The following MSX1 variants were observed in gnomAD, a reference collection of about 807,000 sequenced individuals.
MSX1 encodes msh homeobox 1.
Under a neutral mutation model 17.0 loss-of-function variants are expected in MSX1, and 11 were observed. The ratio of observed to expected loss-of-function variants is 0.65; its 90% CI spans 0.41 to 1.07. The LOEUF is 1.07. Among genes scored for constraint, MSX1 ranks in the 50% least tolerant of loss-of-function variants. The pLI, the probability that MSX1 is intolerant of heterozygous loss-of-function variation, is 0.00. For missense variants in MSX1, 477 were observed against 440.1 expected, an observed-to-expected ratio of 1.08 and a Z score of -0.75; for synonymous variants, 253 against 211.8, an observed-to-expected ratio of 1.19 and a Z score of -1.69.
rs1737956656 is a variant in MSX1, at chr4:4,862,992, C to G, written c.761C>G (p.Ser254Cys). The part of the protein sequence containing the change: ...PMLPPAAFGL[S>C]FPLGGPAAVA... ...CTGCCACCGGCTGCCTTCGGCCTCT[C>G]CTTCCCTCTCGGCGGCCCCGCAGCT... The change falls in exon 2 of 2, where the codon TCC (serine) becomes TGC (cysteine). Residue 254 changes from serine to cysteine, a missense_variant. Physicochemically the swap from Ser to Cys is moderately radical, Grantham distance 112. Coordinates refer to ENST00000382723, the MANE Select transcript of MSX1 (RefSeq NM_002448.3). The G allele has an allele frequency of 6.2e-7, 1 of 1,612,780 alleles. No individual in the cohort carries two copies.
intron 1 of MSX1, 54 bp from the exon 2 acceptor site, chr4:4,862,647 A>G (rs1391306241): frequency 2.5e-6 from 4 of 1,591,926 alleles, no homozygotes; most frequent in Non-Finnish European, 3.4e-6. Context: ...TGGGCTGATC[A>G]TGCTCCAATG....
chr4:4,861,069 C>A (rs1004316504), intron 1 of MSX1, among the ~76,000 whole-genome samples: 1 of 152,288 alleles, frequency 6.6e-6, no homozygotes, highest in Non-Finnish European at 1.5e-5. Flanking sequence ...GGCCCCCTGG[C>A]TGCTCTACTC....
At position 4,859,890 on chromosome 4, in the gene MSX1, C is replaced by G; in HGVS notation, c.-10C>G. 1 of 1,482,288 alleles carries G rather than the reference C, an allele frequency of 6.7e-7. No individual in the cohort carries two copies. The highest frequency in any genetic ancestry group is 9.0e-7 in the Non-Finnish European group (1 of 1,115,790). 91.8% of individuals were successfully genotyped at this position (1,482,288 alleles called of 1,614,324 possible). ...CCAGTGCTGCGGCAGAAGGGGGGGCCCGGCTCTGCATGGCCCCGGCTGCTG... is the reference window on the plus strand; with the variant it reads ...CCAGTGCTGCGGCAGAAGGGGGGGCGCGGCTCTGCATGGCCCCGGCTGCTG... On this transcript the variant is annotated 5_prime_UTR_variant, in exon 1 of 2. Coordinates refer to ENST00000382723, the MANE Select transcript of MSX1 (RefSeq NM_002448.3).
At chr4:4,860,435 G>T in intron 1 of MSX1, 67 bp downstream of exon 1, 1 of 1,534,354 alleles carries the variant, frequency 6.5e-7, no homozygotes, top group South Asian at 1.2e-5. Flanking sequence ...TGTGGGACCC[G>T]AGGGCTCCTG....
At position 4,859,694 on chromosome 4, in the gene MSX1, A is replaced by T. The variant is rs575417156; in HGVS notation, c.-206A>T. 83 of 206,498 alleles carry T rather than the reference A, an allele frequency of 4.0e-4. 1 individual carries two copies. Among genetic ancestry groups the T allele is most frequent in the African/African-American group, 1.8e-3 (79 of 42,728 alleles). 12.8% of individuals were successfully genotyped at this position (206,498 alleles called of 1,614,324 possible). Reference sequence around the variant, plus strand: ...CCCGGAGCCGGCGAGTGCTCCCGGGAACTCTGCCTGCGCGGCGGCAGCGAC... The same window carrying T: ...CCCGGAGCCGGCGAGTGCTCCCGGGTACTCTGCCTGCGCGGCGGCAGCGAC... On this transcript the variant is annotated 5_prime_UTR_variant, in exon 1 of 2. Transcript: ENST00000382723.
chr4:4,860,700 C>A (rs1490015721), intron 1 of MSX1, among the ~76,000 whole-genome samples: 3 of 152,226 alleles, frequency 2.0e-5, no homozygotes, highest in Admixed American at 2.0e-4. Context: ...CGGCTTCACC[C>A]CAGCGGATGA....
rs567549350 is a variant in MSX1 at position 4,859,976 on chromosome 4, G to A, written c.77G>A (p.Gly26Glu). 6 of 1,488,572 alleles carry A rather than the reference G, an allele frequency of 4.0e-6. No homozygotes were observed. The highest frequency in any genetic ancestry group is 1.3e-5 in the South Asian group (1 of 76,104). 92.2% of individuals were successfully genotyped at this position (1,488,572 alleles called of 1,614,324 possible). ...GACTCCGCCTTCGGCAAGCCGGCGG[G>A]GGGAGGCGCGGGCCAGGCCCCCAGC... is the stretch of plus-strand genomic sequence containing the variant. Reference protein sequence around the residue: ...VEDSAFGKPAGGGAGQAPSAA... With the variant: ...VEDSAFGKPAEGGAGQAPSAA... The change falls in exon 1 of 2, where the codon GGG becomes GAG. Residue 26 changes from glycine to glutamate, a missense_variant. Gly to Glu is a moderately conservative substitution (Grantham distance 98). Coordinates refer to ENST00000382723, the MANE Select transcript of MSX1 (RefSeq NM_002448.3).
Position 4,859,922 on chromosome 4 carries a change from C to T in MSX1, c.23C>T (p.Thr8Ile). MAPAADM[T>I]SLPLGVKVED... ...TGCATGGCCCCGGCTGCTGACATGACTTCTTTGCCACTCGGTGTCAAAGTG... is the reference window on the plus strand; with the variant it reads ...TGCATGGCCCCGGCTGCTGACATGATTTCTTTGCCACTCGGTGTCAAAGTG... Residue 8 changes from threonine (T) to isoleucine (I), a missense_variant, in exon 1 of 2, where the codon ACT (threonine) becomes ATT (isoleucine). This residue lies in a region of MSX1 where 355 missense variants were observed against 306.1 expected (regional missense o/e 1.16). Coordinates refer to ENST00000382723, the MANE Select transcript of MSX1 (RefSeq NM_002448.3). 6.7e-7 allele frequency: 1 copy of T among 1,498,176 alleles called. No individual in the cohort carries two copies. Among genetic ancestry groups the T allele is most frequent in the Non-Finnish European group, 8.9e-7 (1 of 1,124,516 alleles). 92.8% of individuals were successfully genotyped at this position (1,498,176 alleles called of 1,614,324 possible).
Position 4,860,049 on chromosome 4 carries a change from C to G in MSX1, c.150C>G (p.Ala50=). 1 of 1,514,930 alleles carries G rather than the reference C, an allele frequency of 6.6e-7. No homozygotes were observed. The highest frequency in any genetic ancestry group is 8.8e-7 in the Non-Finnish European group (1 of 1,132,744). 93.8% of individuals were successfully genotyped at this position (1,514,930 alleles called of 1,614,324 possible). The part of the protein sequence containing the change: ...AAAMGADEEG[A]KPKVSPSLLP... Reference sequence around the variant, plus strand: ...CCATGGGCGCGGACGAGGAGGGGGCCAAGCCCAAAGTGTCCCCTTCGCTCC... The same window carrying G: ...CCATGGGCGCGGACGAGGAGGGGGCGAAGCCCAAAGTGTCCCCTTCGCTCC... Residue 50 remains alanine (A), a synonymous_variant, in exon 1 of 2, where the codon GCC becomes GCG. Transcript: ENST00000382723.
rs1225310033 is a variant in MSX1, at chr4:4,860,085, C to T, written c.186C>T (p.Ser62=). ...TGTCCCCTTCGCTCCTGCCCTTCAG[C>T]GTGGAGGCGCTCATGGCCGACCACA... ...PKVSPSLLPF[S]VEALMADHRK... Residue 62 remains serine, a synonymous_variant, in exon 1 of 2, where the codon AGC becomes AGT. Coordinates refer to ENST00000382723, the MANE Select transcript of MSX1 (RefSeq NM_002448.3). 6.6e-7 allele frequency: 1 copy of T among 1,522,266 alleles called. No homozygotes were observed. The allele number at this position is 1,522,266 out of a possible 1,614,324, so 94.3% of individuals were successfully genotyped here. A position where few individuals can be genotyped will look rare whatever the true frequency, so the allele number is the denominator to read the frequency against.
Position 4,863,206 on chromosome 4 carries a change from A to G in MSX1, c.*63A>G. ...CTCCAGCCCTGGTGCTGTACCCCCG[A>G]CGTGCTCCCCTGCTCGGCACCGCCA... On this transcript the variant is annotated 3_prime_UTR_variant, in exon 2 of 2. Coordinates refer to ENST00000382723, the MANE Select transcript of MSX1 (RefSeq NM_002448.3). The G allele has an allele frequency of 1.3e-6, 2 of 1,513,446 alleles. No homozygotes were observed. Among genetic ancestry groups the G allele is most frequent in the African/African-American group, 2.7e-5 (2 of 73,178 alleles). 93.8% of individuals were successfully genotyped at this position (1,513,446 alleles called of 1,614,324 possible). A position where few individuals can be genotyped will look rare whatever the true frequency, so the allele number is the denominator to read the frequency against.
chr4:4,859,722 G>A lies in MSX1; in HGVS notation c.-178G>A. 7.3e-6 allele frequency: 2 copies of A among 274,760 alleles called. No homozygotes were observed. Among genetic ancestry groups the A allele is most frequent in the Non-Finnish European group, 1.2e-5 (2 of 163,630 alleles). The allele number at this position is 274,760 out of a possible 1,614,324, so 17.0% of individuals were successfully genotyped here. A position where few individuals can be genotyped will look rare whatever the true frequency, so the allele number is the denominator to read the frequency against. On this transcript the variant is annotated 5_prime_UTR_variant, in exon 1 of 2. Transcript: ENST00000382723. ...TCTGCCTGCGCGGCGGCAGCGACCG[G>A]AGGCCAGGCCCAGCACGCCGGAGCT...
In MSX1 at chr4:4,863,003, G is replaced by C; in HGVS notation, c.772G>C (p.Gly258Arg). 6.2e-7 allele frequency: 1 copy of C among 1,612,402 alleles called. No individual in the cohort carries two copies. The highest frequency in any genetic ancestry group is 8.5e-7 in the Non-Finnish European group (1 of 1,179,734). Residue 258 changes from glycine (G) to arginine (R), a missense_variant, in exon 2 of 2, where the codon GGC becomes CGC. Physicochemically the swap from Gly to Arg is moderately radical, Grantham distance 125. Around this residue, in one of 3 missense-constraint regions of MSX1, gnomAD observed 114 missense variants for 106.3 expected, o/e 1.07. Coordinates refer to ENST00000382723, the MANE Select transcript of MSX1 (RefSeq NM_002448.3). ...TGCCTTCGGCCTCTCCTTCCCTCTC[G>C]GCGGCCCCGCAGCTGTAGCGGCCGC... ...PAAFGLSFPLGGPAAVAAAAG... is the reference protein window; with the variant it reads ...PAAFGLSFPLRGPAAVAAAAG...
At chr4:4,861,331 C>T (rs1319592002) in intron 1 of MSX1, among the ~76,000 whole-genome samples, 14 of 152,232 alleles carry the variant, frequency 9.2e-5, no homozygotes, top group African/African-American at 3.4e-4. Flanking sequence ...GCCCCTCGGG[C>T]GGCCCGGCGG....
At chr4:4,862,594 G>C (rs779809127) in intron 1 of MSX1, 107 bp from the exon 2 acceptor site, 3 of 1,334,798 alleles carry the variant, frequency 2.2e-6, no homozygotes, top group Non-Finnish European at 2.1e-6. Flanking sequence ...GGCACTTGGC[G>C]GCACTCAATA....
rs183513743 is a variant in MSX1, at chr4:4,862,650, C to T, written c.470-51C>T. 73 of 1,593,226 alleles carry T rather than the reference C, an allele frequency of 4.6e-5. No individual in the cohort carries two copies. In the African/African-American group the frequency reaches 8.4e-4, roughly 18 times the overall value. ...ATTACTACTTCTTGGGCTGATCATG[C>T]TCCAATGCTTCTCTCTTAACCCCTT... On this transcript the variant is annotated intron_variant, in intron 1 of 1. Transcript: ENST00000382723.
intron 1 of MSX1, among the ~76,000 whole-genome samples, chr4:4,860,935 G>GC (rs1257609422): frequency 6.6e-6 from 1 of 152,198 alleles, no homozygotes; most frequent in African/African-American, 2.4e-5. Context: ...AGTGGAGGGG[G>GC]CGGGGCACCA....
intron 1 of MSX1, among the ~76,000 whole-genome samples, chr4:4,862,006 A>G (rs920110520): frequency 2.0e-5 from 3 of 152,148 alleles, no homozygotes; most frequent in Admixed American, 6.5e-5. Context: ...GAAAAAGCCC[A>G]TTAGAATAAA....
intron 1 of MSX1, chr4:4,862,378 G>A (rs916737028): frequency 5.9e-6 from 3 of 512,010 alleles, no homozygotes; most frequent in African/African-American, 3.8e-5. Flanking sequence ...GCCTTCCTAA[G>A]CCGCCGGGCA....
Sources: gnomAD v4.1 joint callset for allele counts (sites outside exome capture counted in the v4.1 genomes callset) on GRCh38, gnomAD v4.1.1 for gene constraint, gnomAD v4.1.1 regional missense constraint, MANE v1.5 for transcripts, NCBI Gene and HGNC (gene_info 2026-07-23, HGNC 2026-07-21) for gene names.